Variants in NLGN1 observed in about 807,000 individuals in gnomAD.
The protein encoded by NLGN1 is neuroligin 1.
A neutral mutation model predicts 65.5 loss-of-function variants in NLGN1; 12 were observed. The observed-to-expected ratio is 0.18, with a 90% CI of 0.12 to 0.30. NLGN1 has a LOEUF of 0.30. NLGN1 is among the 10% of genes least tolerant of loss of function. NLGN1 has a pLI of 1.00. For synonymous variants in NLGN1, 350 were observed against 359.5 expected (o/e 0.97, Z 0.30); for missense variants, 750 against 1,007.1 (o/e 0.74, Z 3.46).
At chr3:173,786,012 T>A in intron 3 of NLGN1, among the ~76,000 whole-genome samples, 1 of 152,300 alleles carries the variant, frequency 6.6e-6, no homozygotes, top group East Asian at 1.9e-4. Flanking sequence ...CAAGTTTTCC[T>A]TAAAATGTGG....
Position 173,766,961 on chromosome 3 carries a change from G to A in NLGN1, c.494-40719G>A, listed in dbSNP as rs191083331. Among the ~76,000 whole-genome samples the A allele has an allele frequency of 5.1e-4, 78 of 152,180 alleles. 1 individual carries two copies. In the South Asian group the frequency reaches 7.3e-3, roughly 14 times the overall value. ...TTGAAAATTTGATTAAAACCGATCT[G>A]CTGTATTTCTTCCTAAAATTATCTC... On this transcript the variant is annotated intron_variant, in intron 3 of 6. Transcript: ENST00000457714.
chr3:173,699,866 A>C (rs907081907), intron 3 of NLGN1, among the ~76,000 whole-genome samples: 1 of 152,212 alleles, frequency 6.6e-6, no homozygotes, highest in Non-Finnish European at 1.5e-5. Flanking sequence ...ATTGCCCACC[A>C]GTGGGAGGTA....
intron 4 of NLGN1, among the ~76,000 whole-genome samples, chr3:174,230,757 A>T (rs1035407219): frequency 5.3e-5 from 8 of 152,196 alleles, no homozygotes; most frequent in Admixed American, 3.9e-4. Context: ...ACATAGCAAG[A>T]TCCTTCTTTT....
intron 2 of NLGN1, among the ~76,000 whole-genome samples, chr3:173,520,610 A>G (rs939043979): frequency 6.6e-6 from 1 of 152,192 alleles, no homozygotes; most frequent in Admixed American, 6.5e-5. Context: ...TAATAGGACC[A>G]TGAAAAATCA....
Position 173,502,040 on chromosome 3 carries a change from A to T in NLGN1, c.-321+66962A>T, listed in dbSNP as rs9820566. Among the ~76,000 whole-genome samples, 1,372 of 152,186 alleles carry T rather than the reference A, an allele frequency of 9.0e-3. 24 individuals carry two copies. Among genetic ancestry groups the T allele is most frequent in the African/African-American group, 0.032 (1,322 of 41,516 alleles). On this transcript the variant is annotated intron_variant, in intron 2 of 6. Coordinates refer to ENST00000457714, the Ensembl canonical transcript of NLGN1. ...GCTTGATTTAATAATGCTTGTCATG[A>T]CCTAGACTTTGAGGTTGCTAAACAC...
intron 3 of NLGN1, among the ~76,000 whole-genome samples, chr3:173,771,692 A>T (rs994196649): frequency 2.8e-5 from 1 of 35,196 alleles, no homozygotes; most frequent in African/African-American, 7.4e-5. Context: ...ACTCAATATT[A>T]TTAAAACATG....
chr3:173,792,051 C>T (rs1013106047), intron 3 of NLGN1, among the ~76,000 whole-genome samples: 4 of 151,902 alleles, frequency 2.6e-5, no homozygotes, highest in Non-Finnish European at 4.4e-5. Context: ...ATTGTGTCCC[C>T]GAAATACTCC....
chr3:173,415,919 G>A (rs684292), intron 1 of NLGN1, among the ~76,000 whole-genome samples: 26,238 of 123,102 alleles, frequency 0.21, 2,486 homozygotes, highest in Middle Eastern at 0.28. Flanking sequence ...AGAGAGAGAG[G>A]GAGAGAGAGA....
At chr3:174,221,827 T>C (rs1487108989) in intron 4 of NLGN1, among the ~76,000 whole-genome samples, 1 of 152,084 alleles carries the variant, frequency 6.6e-6, no homozygotes, top group African/African-American at 2.4e-5. Context: ...TTCCTTGATA[T>C]GTAGCTGCGT....
At chr3:173,517,282 A>G (rs1364978362) in intron 2 of NLGN1, among the ~76,000 whole-genome samples, 1 of 152,042 alleles carries the variant, frequency 6.6e-6, no homozygotes, top group East Asian at 1.9e-4. Flanking sequence ...AGATGCATGG[A>G]GGAATTAGTT....
At chr3:174,119,357 A>G (rs942538153) in intron 4 of NLGN1, among the ~76,000 whole-genome samples, 4 of 152,178 alleles carry the variant, frequency 2.6e-5, no homozygotes, top group Non-Finnish European at 5.9e-5. Flanking sequence ...GATGTAGACA[A>G]CATCTTCTAC....
chr3:173,694,736 T>C (rs1224197496), intron 3 of NLGN1, among the ~76,000 whole-genome samples: 2 of 152,208 alleles, frequency 1.3e-5, no homozygotes, highest in East Asian at 3.9e-4. Context: ...CTTACAGCAC[T>C]TCTATGCAAT....
At chr3:174,261,107 G>A (rs528096971) in intron 4 of NLGN1, among the ~76,000 whole-genome samples, 6 of 152,296 alleles carry the variant, frequency 3.9e-5, no homozygotes, top group African/African-American at 7.2e-5. Context: ...ACAGTTTGAA[G>A]TCAGGTAGTG....
At chr3:174,250,315 T>C (rs1337020750) in intron 4 of NLGN1, among the ~76,000 whole-genome samples, 2 of 152,222 alleles carry the variant, frequency 1.3e-5, no homozygotes, top group African/African-American at 4.8e-5. Flanking sequence ...TTAATTGCTA[T>C]ATGATAGAAT....
intron 4 of NLGN1, among the ~76,000 whole-genome samples, chr3:174,041,172 G>A (rs1192858249): frequency 1.3e-5 from 2 of 152,042 alleles, no homozygotes; most frequent in East Asian, 1.9e-4. Flanking sequence ...TTTAATCACT[G>A]TGTGGATTTT....
intron 4 of NLGN1, among the ~76,000 whole-genome samples, chr3:174,066,805 T>G (rs1470040642): frequency 6.6e-6 from 1 of 152,058 alleles, no homozygotes; most frequent in Non-Finnish European, 1.5e-5. Flanking sequence ...ATGTTGGAAA[T>G]TATGACCAAT....
intron 3 of NLGN1, chr3:173,695,643 T>G (rs1389759847): frequency 4.2e-6 from 1 of 240,100 alleles, no homozygotes; most frequent in African/African-American, 2.3e-5. Flanking sequence ...TTTAAAAATC[T>G]TATACTGTGG....
chr3:173,479,637 G>A (rs907641906), intron 2 of NLGN1, among the ~76,000 whole-genome samples: 1 of 152,060 alleles, frequency 6.6e-6, no homozygotes, highest in Non-Finnish European at 1.5e-5. Flanking sequence ...ACCTTCATTG[G>A]CCATGTGCCT....
chr3:173,468,610 G>A (rs1036026650), intron 2 of NLGN1, among the ~76,000 whole-genome samples: 1 of 151,998 alleles, frequency 6.6e-6, no homozygotes, highest in Non-Finnish European at 1.5e-5. Flanking sequence ...CTCATATGAT[G>A]AATAACCTTT....
Sources: allele counts gnomAD v4.1 joint callset (sites outside exome capture counted in the v4.1 genomes callset), GRCh38; gene constraint gnomAD v4.1.1; transcripts MANE v1.5; gene names NCBI Gene and HGNC (gene_info 2026-07-23, HGNC 2026-07-21).